CDC42EP4: variants seen among roughly 807,000 people sequenced by gnomAD.
The protein encoded by CDC42EP4 is CDC42 effector protein 4.
CDC42EP4 carries 6 observed loss-of-function variants against 5.6 expected under a neutral mutation model. That is an observed-to-expected ratio of 1.07 (90% CI 0.59 to 2.12). The LOEUF (loss-of-function observed/expected upper bound fraction) is 2.12. CDC42EP4 is among the 30% of genes most tolerant of loss of function. The pLI is 0.00. For synonymous variants in CDC42EP4, 230 were observed against 224.2 expected (o/e 1.03, Z -0.23); for missense variants, 490 against 508.6 (o/e 0.96, Z 0.35).
intron 1 of CDC42EP4, among the ~76,000 whole-genome samples, chr17:73,302,782 C>G (rs2062225141): frequency 6.6e-6 from 1 of 152,112 alleles, no homozygotes; most frequent in Non-Finnish European, 1.5e-5. Flanking sequence ...GTGGCTCAAG[C>G]CTGTAATCCT....
Position 73,286,178 on chromosome 17 carries a change from T to G in CDC42EP4, c.323A>C (p.Asp108Ala). ...GGCATTCTTGACAAACAGGGCCGAG[T>G]CCCGCAGGGAGCCCAGCATGTCACG... ...EQRDMLGSLR[D>A]SALFVKNAMS... Residue 108 changes from aspartate to alanine, a missense_variant, in exon 2 of 2, where the codon GAC (aspartate) becomes GCC (alanine). Transcript: ENST00000335793. The surrounding 1 kb of genome is among the most constrained non-coding windows in gnomAD (Gnocchi z 7.7). 1 of 1,613,952 alleles carries G rather than the reference T, an allele frequency of 6.2e-7. No individual in the cohort carries two copies. The highest frequency in any genetic ancestry group is 1.1e-5 in the South Asian group (1 of 91,054).
chr17:73,299,240 G>GGTTTA (rs2062204292), intron 1 of CDC42EP4, among the ~76,000 whole-genome samples: 4 of 151,800 alleles, frequency 2.6e-5, no homozygotes, highest in African/African-American at 9.7e-5. Flanking sequence ...TGGCTAACAC[G>GGTTTA]GTGAAACCCT....
chr17:73,299,415 G>A (rs1254890614), intron 1 of CDC42EP4, among the ~76,000 whole-genome samples: 3 of 145,414 alleles, frequency 2.1e-5, no homozygotes, highest in Non-Finnish European at 4.5e-5. Flanking sequence ...GGGTGACAGA[G>A]CGAGACTCCG....
intron 1 of CDC42EP4, among the ~76,000 whole-genome samples, chr17:73,291,898 C>G (rs1019731025): frequency 7.2e-5 from 11 of 152,164 alleles, no homozygotes; most frequent in African/African-American, 2.7e-4. Flanking sequence ...TCACAGCAAC[C>G]ACACCTTTAG....
rs766144069 is a variant in CDC42EP4 at position 73,286,264 on chromosome 17, C to T, written c.237G>A (p.Leu79=). 6.2e-7 allele frequency: 1 copy of T among 1,614,102 alleles called. No homozygotes were observed. The highest frequency in any genetic ancestry group is 1.3e-5 in the African/African-American group (1 of 74,952). The stretch of plus-strand genomic sequence containing the variant: ...GCTTGCTGCCCCGGAACTTCCTGGA[C>T]AGGAGACTGCGTTTGGAAGATGAAG... ...PSSSSSKRSL[L]SRKFRGSKRS... is the part of the protein sequence containing the mutation. Residue 79 remains leucine (L), a synonymous_variant, in exon 2 of 2, where the codon CTG becomes CTA. Transcript: ENST00000335793. This position sits in a 1 kb window ranked among gnomAD's most constrained non-coding sequence, Gnocchi z 7.7.
At chr17:73,310,743 TCACACACACACACACA>T (rs57841496) in intron 1 of CDC42EP4, 3,537 of 134,568 alleles carry the variant, frequency 0.026, 70 homozygotes, top group African/African-American at 0.051. Context: ...CCTCCCCCAG[TCACACACACACACACA>T]CACACACACA....
chr17:73,295,048 G>C (rs533198836), intron 1 of CDC42EP4, among the ~76,000 whole-genome samples: 146 of 152,216 alleles, frequency 9.6e-4, no homozygotes, highest in South Asian at 6.0e-3. Context: ...CTGACCTCAG[G>C]GGATCCACCT....
Position 73,285,447 on chromosome 17 carries a change from C to T in CDC42EP4, c.1054G>A (p.Asp352Asn). ...TGTCCGCCTCACACACGGATTTCATCCTCCTCCTCCTCATCCATGAAGGAG... is the reference window on the plus strand; with the variant it reads ...TGTCCGCCTCACACACGGATTTCATTCTCCTCCTCCTCATCCATGAAGGAG... ...EFSFMDEEEE[D>N]EIRV The change falls in exon 2 of 2, where the codon GAT becomes AAT. Residue 352 changes from aspartate to asparagine, a missense_variant. Coordinates refer to ENST00000335793, the MANE Select transcript of CDC42EP4 (RefSeq NM_012121.5). The surrounding 1 kb of genome is among the most constrained non-coding windows in gnomAD (Gnocchi z 6.8). 6.5e-7 allele frequency: 1 copy of T among 1,548,734 alleles called. No homozygotes were observed. The highest frequency in any genetic ancestry group is 8.8e-7 in the Non-Finnish European group (1 of 1,142,402).
At position 73,284,778 on chromosome 17, in the gene CDC42EP4, C is replaced by G. The variant is rs112485141; in HGVS notation, c.*652G>C. 1 of 152,272 alleles carries G rather than the reference C, an allele frequency of 6.6e-6. No individual in the cohort carries two copies. Among genetic ancestry groups the G allele is most frequent in the South Asian group, 2.1e-4 (1 of 4,828 alleles). The allele number at this position is 152,272 out of a possible 1,614,324, so 9.4% of individuals were successfully genotyped here. A position where few individuals can be genotyped will look rare whatever the true frequency, so the allele number is the denominator to read the frequency against. On this transcript the variant is annotated 3_prime_UTR_variant, in exon 2 of 2. Transcript: ENST00000335793. ...TGGAAGGGTCCCTTCTTGCAATTCACGAAGCCTGGGGGGCTTTCCTTCCAT... is the reference window on the plus strand; with the variant it reads ...TGGAAGGGTCCCTTCTTGCAATTCAGGAAGCCTGGGGGGCTTTCCTTCCAT...
intron 1 of CDC42EP4, among the ~76,000 whole-genome samples, chr17:73,301,837 G>A (rs1472903919): frequency 6.6e-6 from 1 of 151,590 alleles, no homozygotes; most frequent in Non-Finnish European, 1.5e-5. Flanking sequence ...GTCCAGGCGT[G>A]CGCCACCATG....
intron 1 of CDC42EP4, among the ~76,000 whole-genome samples, chr17:73,306,388 G>A (rs1055796158): frequency 1.3e-5 from 2 of 151,662 alleles, no homozygotes; most frequent in African/African-American, 4.8e-5. Flanking sequence ...TATAGTCTCA[G>A]CTACTCAAGG....
In CDC42EP4 at chr17:73,286,187, G is replaced by A. The variant is rs1173516846; in HGVS notation, c.314C>T (p.Ser105Phe). 1 of 1,614,142 alleles carries A rather than the reference G, an allele frequency of 6.2e-7. No individual in the cohort carries two copies. Among genetic ancestry groups the A allele is most frequent in the Non-Finnish European group, 8.5e-7 (1 of 1,180,032 alleles). The change falls in exon 2 of 2, where the codon TCC becomes TTC. Residue 105 changes from serine (S) to phenylalanine (F), a missense_variant. Coordinates refer to ENST00000335793, the MANE Select transcript of CDC42EP4 (RefSeq NM_012121.5). The surrounding 1 kb of genome is among the most constrained non-coding windows in gnomAD (Gnocchi z 7.7). ...GEREQRDMLG[S>F]LRDSALFVKN... is the part of the protein sequence containing the mutation. ...GACAAACAGGGCCGAGTCCCGCAGG[G>A]AGCCCAGCATGTCACGCTGCTCCCG...
intron 1 of CDC42EP4, among the ~76,000 whole-genome samples, chr17:73,296,229 C>CA (rs10562107): frequency 0.66 from 91,062 of 138,060 alleles, 30,386 homozygotes; most frequent in East Asian, 0.96. Flanking sequence ...ACTAAAAATA[C>CA]AAAAAAAAAA....
chr17:73,306,970 G>A (rs2062247175), intron 1 of CDC42EP4: 1 of 152,306 alleles, frequency 6.6e-6, no homozygotes, highest in Non-Finnish European at 1.5e-5. Context: ...GACAACCTCT[G>A]CTACCGTGAT....
At chr17:73,299,042 A>G (rs1202169784) in intron 1 of CDC42EP4, among the ~76,000 whole-genome samples, 2 of 151,732 alleles carry the variant, frequency 1.3e-5, no homozygotes, top group Non-Finnish European at 2.9e-5. Context: ...TGCAGCCTCA[A>G]CTTCCCGGGC....
In CDC42EP4 at chr17:73,286,537, TA is replaced by T. The variant is rs2062135833; in HGVS notation, c.-38del. The T allele has an allele frequency of 2.7e-6, 4 of 1,508,344 alleles. No homozygotes were observed. The African/African-American group carries it at 5.5e-5, about 21-fold the overall frequency. 93.4% of individuals were successfully genotyped at this position (1,508,344 alleles called of 1,614,324 possible). A position where few individuals can be genotyped will look rare whatever the true frequency, so the allele number is the denominator to read the frequency against. ...GGCGGGGAGGTGGGCCCTCCCGAGG[TA>T]GCCGGCAGGTCTGGGGTCAGATCTG... On this transcript the variant is annotated 5_prime_UTR_variant, in exon 2 of 2. Transcript: ENST00000335793. This position sits in a 1 kb window ranked among gnomAD's most constrained non-coding sequence, Gnocchi z 7.7.
chr17:73,301,955 G>T (rs1380215554), intron 1 of CDC42EP4, among the ~76,000 whole-genome samples: 3 of 152,188 alleles, frequency 2.0e-5, no homozygotes, highest in Non-Finnish European at 4.4e-5. Flanking sequence ...CTCCCAAAGT[G>T]CTGGGATTAC....
intron 1 of CDC42EP4, chr17:73,311,042 A>G (rs1464734546): frequency 6.6e-6 from 1 of 151,836 alleles, no homozygotes; most frequent in Non-Finnish European, 1.5e-5. Context: ...TCATTAACCG[A>G]CCGCTCCCGC....
intron 1 of CDC42EP4, among the ~76,000 whole-genome samples, chr17:73,288,850 T>C (rs2062146646): frequency 6.6e-6 from 1 of 152,140 alleles, no homozygotes; most frequent in Admixed American, 6.5e-5. Flanking sequence ...CGCTTATCAT[T>C]CCAGCAAACA....
Sources: gnomAD v4.1 joint callset for allele counts (sites outside exome capture counted in the v4.1 genomes callset) on GRCh38, gnomAD v4.1.1 for gene constraint, Gnocchi (gnomAD v3.1) non-coding constraint, MANE v1.5 for transcripts, NCBI Gene and HGNC (gene_info 2026-07-23, HGNC 2026-07-21) for gene names.